TSHZ1: variants seen among roughly 807,000 people sequenced by gnomAD.
The protein encoded by TSHZ1 is teashirt zinc finger homeobox 1, also known as teashirt homolog 1.
A neutral mutation model predicts 67.1 loss-of-function variants in TSHZ1; 12 were observed. The observed-to-expected ratio is 0.18, with a 90% confidence interval of 0.11 to 0.29. The LOEUF is 0.29. Ranked by LOEUF, TSHZ1 falls within the 10% of genes least tolerant of loss-of-function variation. TSHZ1 has a pLI of 1.00. For synonymous variants in TSHZ1, 632 were observed against 622.4 expected, an observed-to-expected ratio of 1.02 and a Z score of -0.23; for missense variants, 1,305 against 1,413.9, an observed-to-expected ratio of 0.92 and a Z score of 1.23.
chr18:75,272,398 G>C (rs1208416442), intron 1 of TSHZ1, among the ~76,000 whole-genome samples: 2 of 152,190 alleles, frequency 1.3e-5, no homozygotes, highest in Non-Finnish European at 2.9e-5. Context: ...TGCCTGCCAG[G>C]CTCATCTTCA....
In TSHZ1 at chr18:75,235,984, A is replaced by C. The variant is rs770993629; in HGVS notation, c.40+24068A>C. 5.8e-4 allele frequency among the ~76,000 whole-genome samples: 88 copies of C among 152,164 alleles called. 1 individual carries two copies. The highest frequency in any genetic ancestry group is 7.4e-4 in the Non-Finnish European group (50 of 68,026). On this transcript the variant is annotated intron_variant, in intron 1 of 1. Coordinates refer to ENST00000580243, the MANE Select transcript of TSHZ1 (RefSeq NM_001308210.2). Reference sequence around the variant, plus strand: ...GTTCTGCGTTTCAGACCTTGCCTCCACACCCACATTGAACAAGCAAGCTTG... The same window carrying C: ...GTTCTGCGTTTCAGACCTTGCCTCCCCACCCACATTGAACAAGCAAGCTTG...
At chr18:75,245,095 C>T (rs1339844171) in intron 1 of TSHZ1, 1 of 152,154 alleles carries the variant, frequency 6.6e-6, no homozygotes, top group Non-Finnish European at 1.5e-5. Context: ...ATTAGATTTT[C>T]CTTCCATTAA....
At chr18:75,215,384 G>A (rs991580431) in intron 1 of TSHZ1, among the ~76,000 whole-genome samples, 1 of 152,230 alleles carries the variant, frequency 6.6e-6, no homozygotes, top group African/African-American at 2.4e-5. Context: ...AATCACAGGA[G>A]TGTGCCTCTC....
intron 1 of TSHZ1, 165 bp from the exon 2 acceptor site, chr18:75,285,283 T>A (rs555809666): frequency 1.3e-6 from 1 of 765,066 alleles, no homozygotes; most frequent in South Asian, 3.1e-5. Context: ...CAGCACCTTT[T>A]GAAACCTAAC....
At chr18:75,273,225 G>A (rs575774002) in intron 1 of TSHZ1, among the ~76,000 whole-genome samples, 28 of 152,334 alleles carry the variant, frequency 1.8e-4, no homozygotes, top group Admixed American at 5.2e-4. Flanking sequence ...GTGAGGCAGC[G>A]TTCTGGGAGT....
chr18:75,241,649 A>G (rs1419422361), intron 1 of TSHZ1, among the ~76,000 whole-genome samples: 2 of 152,162 alleles, frequency 1.3e-5, no homozygotes, highest in African/African-American at 4.8e-5. Flanking sequence ...ATTTAGTGAC[A>G]TTCATAACAA....
rs1490845253 is a variant in TSHZ1, at chr18:75,210,898, G to GGT, written c.-978_-977insTG. ...TCTCCCTCTCTCCCAGGAGTTTGAG[G>GGT]GGGGGGGGGACAGTCCACGCTCATC... is the stretch of plus-strand genomic sequence containing the variant. On this transcript the variant is annotated 5_prime_UTR_variant, in exon 1 of 2. Coordinates refer to ENST00000580243, the MANE Select transcript of TSHZ1 (RefSeq NM_001308210.2). 7.2e-5 allele frequency: 8 copies of GGT among 111,202 alleles called. 1 individual carries two copies. Among genetic ancestry groups the GGT allele is most frequent in the East Asian group, 2.0e-4 (1 of 4,948 alleles). The allele number at this position is 111,202 out of a possible 1,614,324, so 6.9% of individuals were successfully genotyped here.
chr18:75,266,394 A>C (rs1030209628), intron 1 of TSHZ1, among the ~76,000 whole-genome samples: 2 of 152,132 alleles, frequency 1.3e-5, no homozygotes, highest in Admixed American at 1.3e-4. Flanking sequence ...CCTTTCATTG[A>C]GTTCGTGTGC....
chr18:75,257,109 C>G (rs1412386141), intron 1 of TSHZ1, among the ~76,000 whole-genome samples: 1 of 152,112 alleles, frequency 6.6e-6, no homozygotes, highest in African/African-American at 2.4e-5. Context: ...GCCCATACTT[C>G]TATTGGTTGC....
rs144507460 is a variant in TSHZ1 at position 75,238,567 on chromosome 18, C to T, written c.40+26651C>T. Among the ~76,000 whole-genome samples, 893 of 151,586 alleles carry T rather than the reference C, an allele frequency of 5.9e-3. 12 individuals carry two copies. The highest frequency in any genetic ancestry group is 0.021 in the African/African-American group (850 of 41,266). On this transcript the variant is annotated intron_variant, in intron 1 of 1. Transcript: ENST00000580243. ...AGGCAGGGACCAGGCTCTGCCTCCC[C>T]GAAGAGCCCCTCAGTAAAGGCATCA...
intron 1 of TSHZ1, among the ~76,000 whole-genome samples, chr18:75,234,196 G>T (rs1333258642): frequency 6.6e-6 from 1 of 152,192 alleles, no homozygotes; most frequent in African/African-American, 2.4e-5. Flanking sequence ...CGGAGCCTGT[G>T]GGCCAGAGAG....
At chr18:75,280,638 A>G (rs1292417159) in intron 1 of TSHZ1, 12 of 657,334 alleles carry the variant, frequency 1.8e-5, no homozygotes, top group Admixed American at 1.3e-4. Context: ...AAGTCGGTCA[A>G]CTTCCCCAAG....
At chr18:75,258,629 A>T (rs2023392212) in intron 1 of TSHZ1, among the ~76,000 whole-genome samples, 2 of 152,188 alleles carry the variant, frequency 1.3e-5, no homozygotes, top group Admixed American at 6.5e-5. Flanking sequence ...TCAGTGTGTC[A>T]GAAACATACT....
chr18:75,253,393 G>A (rs2023326945), intron 1 of TSHZ1, among the ~76,000 whole-genome samples: 1 of 152,200 alleles, frequency 6.6e-6, no homozygotes, highest in Non-Finnish European at 1.5e-5. Context: ...GAATCAATGG[G>A]GAGTGTTTGG....
chr18:75,220,081 A>T (rs368413655), intron 1 of TSHZ1, among the ~76,000 whole-genome samples: 29 of 152,196 alleles, frequency 1.9e-4, no homozygotes, highest in African/African-American at 7.0e-4. Flanking sequence ...TACATTTTAA[A>T]ATCCAGTGTT....
Position 75,288,452 on chromosome 18 carries a change from G to T in TSHZ1, c.3045G>T (p.Ser1015=). ...AGATTCAAGAACAGCAGAATGTTTC[G>T]AAAGTCCTCACCAACAAAACTCTGG... ...LNQIQEQQNV[S]KVLTNKTLGP... Residue 1015 remains serine (S), a synonymous_variant, in exon 2 of 2, where the codon TCG becomes TCT. Coordinates refer to ENST00000580243, the MANE Select transcript of TSHZ1 (RefSeq NM_001308210.2). The surrounding 1 kb of genome is among the most constrained non-coding windows in gnomAD (Gnocchi z 4.9). 2 of 1,614,134 alleles carry T rather than the reference G, an allele frequency of 1.2e-6. No individual in the cohort carries two copies. The highest frequency in any genetic ancestry group is 1.7e-6 in the Non-Finnish European group (2 of 1,180,024).
At chr18:75,236,191 T>C (rs1304444683) in intron 1 of TSHZ1, among the ~76,000 whole-genome samples, 2 of 152,156 alleles carry the variant, frequency 1.3e-5, no homozygotes, top group African/African-American at 2.4e-5. Flanking sequence ...TGCTGGGGCC[T>C]CCCAAATCTT....
At chr18:75,274,103 A>G (rs1229431229) in intron 1 of TSHZ1, among the ~76,000 whole-genome samples, 1 of 152,156 alleles carries the variant, frequency 6.6e-6, no homozygotes, top group Admixed American at 6.5e-5. Flanking sequence ...ATGGCAGGAC[A>G]CACTGTACAC....
intron 1 of TSHZ1, among the ~76,000 whole-genome samples, chr18:75,264,553 C>T (rs549043919): frequency 6.6e-6 from 1 of 150,744 alleles, no homozygotes; most frequent in African/African-American, 2.4e-5. Context: ...AAAGGAATTG[C>T]ACTCTGATAC....
Sources: gnomAD v4.1 joint callset for allele counts (sites outside exome capture counted in the v4.1 genomes callset) on GRCh38, gnomAD v4.1.1 for gene constraint, Gnocchi (gnomAD v3.1) non-coding constraint, MANE v1.5 for transcripts, NCBI Gene and HGNC (gene_info 2026-07-23, HGNC 2026-07-21) for gene names.